SNX7: variants seen among roughly 807,000 people sequenced by gnomAD.
SNX7 encodes the protein sorting nexin 7.
In SNX7, 35 loss-of-function variants were observed where a neutral mutation model predicts 48.4. The ratio of observed to expected loss-of-function variants is 0.72; its 90% CI spans 0.55 to 0.96. The LOEUF (loss-of-function observed/expected upper bound fraction) is 0.96, where lower values mean the gene tolerates loss of function less well. Among genes scored for constraint, SNX7 ranks in the 40% least tolerant of loss-of-function variants. The pLI, the probability that SNX7 is intolerant of heterozygous loss-of-function variation, is 0.00. For missense variants in SNX7, 553 were observed against 548.9 expected (o/e 1.01, Z -0.07); for synonymous variants, 190 against 190.2 (o/e 1.00, Z 0.01).
chr1:98,672,287 T>A (rs1649913156), intron 1 of SNX7, among the ~76,000 whole-genome samples: 1 of 151,846 alleles, frequency 6.6e-6, no homozygotes, highest in African/African-American at 2.4e-5. Flanking sequence ...CAGTAACCCC[T>A]AACTGGGACA....
intron 8 of SNX7, among the ~76,000 whole-genome samples, chr1:98,752,327 G>T (rs985082205): frequency 5.3e-5 from 8 of 151,998 alleles, no homozygotes; most frequent in Non-Finnish European, 1.5e-5. Context: ...AAAGATTTGT[G>T]TACATTAATT....
chr1:98,731,110 A>G (rs956004976), intron 7 of SNX7, among the ~76,000 whole-genome samples: 19 of 115,792 alleles, frequency 1.6e-4, no homozygotes, highest in African/African-American at 4.9e-4. Context: ...CCTCTCAGGA[A>G]AAATAGTTTT....
intron 8 of SNX7, among the ~76,000 whole-genome samples, chr1:98,752,666 C>G (rs1483603822): frequency 6.6e-6 from 1 of 151,978 alleles, no homozygotes; most frequent in Non-Finnish European, 1.5e-5. Context: ...ATCAGTTGTT[C>G]AATATATTCC....
intron 1 of SNX7, among the ~76,000 whole-genome samples, chr1:98,675,776 A>G (rs1212596571): frequency 2.0e-5 from 3 of 152,168 alleles, no homozygotes; most frequent in African/African-American, 7.2e-5. Context: ...TGGAAGCTCT[A>G]AATTCTGGTT....
In SNX7 at chr1:98,684,886, A is replaced by G; in HGVS notation, c.182A>G (p.Asp61Gly). 1 of 1,488,014 alleles carries G rather than the reference A, an allele frequency of 6.7e-7. No homozygotes were observed. Among genetic ancestry groups the G allele is most frequent in the Admixed American group, 2.2e-5 (1 of 46,214 alleles). The allele number at this position is 1,488,014 out of a possible 1,614,324, so 92.2% of individuals were successfully genotyped here. ...DEDDLEVFSK[D>G]ASLMDMNSFS... ...ATTTTTGAATGTTTTATTTCTTAGGATGCCTCATTGATGGACATGAACTCC... is the reference window on the plus strand; with the variant it reads ...ATTTTTGAATGTTTTATTTCTTAGGGTGCCTCATTGATGGACATGAACTCC... Residue 61 changes from aspartate to glycine, a missense_variant and splice_region_variant, in exon 2 of 9, where the codon GAT becomes GGT. Coordinates refer to ENST00000306121, the MANE Select transcript of SNX7 (RefSeq NM_015976.5).
At chr1:98,756,719 C>G (rs191411237) in intron 8 of SNX7, among the ~76,000 whole-genome samples, 7 of 152,018 alleles carry the variant, frequency 4.6e-5, no homozygotes, top group Admixed American at 1.3e-4. Context: ...TCTATGAACT[C>G]TAGCTGCATT....
chr1:98,691,937 A>ACACACTCTCTCTCTCTCTCTCT, intron 4 of SNX7, among the ~76,000 whole-genome samples: 1 of 131,172 alleles, frequency 7.6e-6, no homozygotes, highest in Non-Finnish European at 1.7e-5. Context: ...ACACACACAC[A>ACACACTCTCTCTCTCTCTCTCT]CTCTCTCTCT....
intron 6 of SNX7, 107 bp downstream of exon 6, chr1:98,699,012 A>C: frequency 9.5e-7 from 1 of 1,049,960 alleles, no homozygotes; most frequent in Non-Finnish European, 1.4e-6. Flanking sequence ...TTGTCCTAGC[A>C]GGTTGTTTTG....
At chr1:98,711,122 T>G (rs1652279789) in intron 7 of SNX7, among the ~76,000 whole-genome samples, 1 of 152,130 alleles carries the variant, frequency 6.6e-6, no homozygotes, top group Non-Finnish European at 1.5e-5. Context: ...GTTCAAGTGA[T>G]TCTCCTGCCT....
intron 2 of SNX7, among the ~76,000 whole-genome samples, chr1:98,689,934 C>T (rs1000782065): frequency 2.6e-5 from 4 of 152,046 alleles, no homozygotes; most frequent in African/African-American, 7.2e-5. Context: ...GCATTTCATT[C>T]GCTCCCACTT....
chr1:98,684,640 A>G (rs1650686203), intron 1 of SNX7, among the ~76,000 whole-genome samples: 1 of 152,172 alleles, frequency 6.6e-6, no homozygotes, highest in African/African-American at 2.4e-5. Flanking sequence ...GAACAGAAAC[A>G]TTCAAACCAT....
At chr1:98,722,257 T>C (rs909847522) in intron 7 of SNX7, among the ~76,000 whole-genome samples, 3 of 152,170 alleles carry the variant, frequency 2.0e-5, no homozygotes, top group Non-Finnish European at 2.9e-5. Flanking sequence ...AGGTTTCCAC[T>C]TTTTAAGAAA....
chr1:98,746,500 A>T (rs898043067), intron 8 of SNX7, among the ~76,000 whole-genome samples: 6 of 152,044 alleles, frequency 3.9e-5, no homozygotes, highest in Admixed American at 3.9e-4. Flanking sequence ...CACATACTGA[A>T]TTTGTTTGCT....
intron 6 of SNX7, among the ~76,000 whole-genome samples, chr1:98,701,563 A>G (rs1464379867): frequency 2.0e-5 from 3 of 152,108 alleles, no homozygotes; most frequent in Non-Finnish European, 4.4e-5. Flanking sequence ...TACAATGCTT[A>G]AATGGGTAAA....
In SNX7 at chr1:98,675,126, A is replaced by T. The variant is rs555372264; in HGVS notation, c.181-9759A>T. On this transcript the variant is annotated intron_variant, in intron 1 of 8. Coordinates refer to ENST00000306121, the MANE Select transcript of SNX7 (RefSeq NM_015976.5). ...GGAGGTGAGACCTTTGTTTGGAAAG[A>T]ACAAATTTTATTGATCCATTTCTCC... Among the ~76,000 whole-genome samples the T allele has an allele frequency of 2.2e-3, 339 of 152,332 alleles. 2 individuals are homozygous for T. The South Asian group carries it at 0.03, about 13-fold the overall frequency.
intron 8 of SNX7, among the ~76,000 whole-genome samples, chr1:98,748,151 AT>A (rs1432933819): frequency 3.7e-4 from 56 of 151,596 alleles, no homozygotes; most frequent in Non-Finnish European, 6.0e-4. Flanking sequence ...TGCCTGGCTA[AT>A]TTTTTATATT....
At chr1:98,728,901 A>G (rs1570580836) in intron 7 of SNX7, among the ~76,000 whole-genome samples, 1 of 152,218 alleles carries the variant, frequency 6.6e-6, no homozygotes, top group Non-Finnish European at 1.5e-5. Flanking sequence ...CTGAAAATTA[A>G]CAAAGATATT....
intron 5 of SNX7, among the ~76,000 whole-genome samples, chr1:98,697,225 G>T (rs910957225): frequency 4.6e-5 from 7 of 152,076 alleles, no homozygotes; most frequent in African/African-American, 1.7e-4. Flanking sequence ...GGAAGGTGGA[G>T]TTTGGAAGGA....
At chr1:98,756,343 A>G (rs1654844575) in intron 8 of SNX7, among the ~76,000 whole-genome samples, 1 of 147,890 alleles carries the variant, frequency 6.8e-6, no homozygotes, top group African/African-American at 2.5e-5. Flanking sequence ...AGTATGTATC[A>G]TATGTACTCA....
Sources: gnomAD v4.1 joint callset for allele counts (sites outside exome capture counted in the v4.1 genomes callset) on GRCh38, gnomAD v4.1.1 for gene constraint, MANE v1.5 for transcripts, NCBI Gene and HGNC (gene_info 2026-07-23, HGNC 2026-07-21) for gene names.